FBXW10B: variants seen among roughly 807,000 people sequenced by gnomAD.
FBXW10B encodes F-box and WD repeat domain containing protein 10B.
chr17:15,605,783 G>A, the FBXW10B span, among the ~76,000 whole-genome samples: 3 of 151,724 alleles, frequency 2.0e-5, no homozygotes, highest in Admixed American at 2.0e-4. Context: ...AACACAGTTG[G>A]GAAGTCCTGT....
chr17:15,610,525 T>C, the FBXW10B span, among the ~76,000 whole-genome samples: 1 of 152,200 alleles, frequency 6.6e-6, no homozygotes, highest in Non-Finnish European at 1.5e-5. Flanking sequence ...GGGCCCACTG[T>C]ATGAGGGTGA....
the FBXW10B span, among the ~76,000 whole-genome samples, chr17:15,601,905 G>A: frequency 6.6e-6 from 1 of 152,150 alleles, no homozygotes; most frequent in African/African-American, 2.4e-5. Flanking sequence ...GAGGTCAGGA[G>A]ATCGAGACCA....
chr17:15,578,674 A>G, the FBXW10B span, among the ~76,000 whole-genome samples: 1 of 152,218 alleles, frequency 6.6e-6, no homozygotes, highest in South Asian at 2.1e-4. Context: ...AGAAAAACAG[A>G]CTAAGAGATT....
the FBXW10B span, among the ~76,000 whole-genome samples, chr17:15,589,884 C>T: frequency 3.3e-5 from 5 of 152,102 alleles, no homozygotes; most frequent in Admixed American, 6.5e-5. Context: ...CTTACAAATG[C>T]GATTACACCT....
the FBXW10B span, among the ~76,000 whole-genome samples, chr17:15,592,295 G>GTTTTTTTTTTTT: frequency 2.8e-5 from 3 of 107,696 alleles, no homozygotes; most frequent in Non-Finnish European, 5.6e-5. Context: ...AATGGCCAGA[G>GTTTTTTTTTTTT]TTTTTTTTTT....
the FBXW10B span, among the ~76,000 whole-genome samples, chr17:15,590,815 T>C: frequency 6.6e-6 from 1 of 152,174 alleles, no homozygotes; most frequent in African/African-American, 2.4e-5. Flanking sequence ...CTTCAGCACT[T>C]GGGTCCCTGC....
the FBXW10B span, among the ~76,000 whole-genome samples, chr17:15,610,378 C>T: frequency 6.6e-6 from 1 of 151,318 alleles, no homozygotes; most frequent in Non-Finnish European, 1.5e-5. Flanking sequence ...TTGTGCTTAT[C>T]TGGGAGGGAG....
the FBXW10B span, among the ~76,000 whole-genome samples, chr17:15,604,124 C>G: frequency 0.19 from 28,062 of 144,600 alleles, 2,978 homozygotes; most frequent in East Asian, 0.35. Flanking sequence ...TGTCCACCAA[C>G]AGAAAAACAA....
the FBXW10B span, among the ~76,000 whole-genome samples, chr17:15,591,649 G>A: frequency 5.3e-5 from 8 of 152,132 alleles, no homozygotes; most frequent in Non-Finnish European, 1.0e-4. Flanking sequence ...TACCTAGGGT[G>A]CCAAGAAGGT....
the FBXW10B span, among the ~76,000 whole-genome samples, chr17:15,602,364 G>A: frequency 6.6e-6 from 1 of 151,982 alleles, no homozygotes; most frequent in Admixed American, 6.6e-5. Flanking sequence ...AGTTGCTGTG[G>A]GGGAGAAACT....
chr17:15,569,041 A>G, the FBXW10B span: 2 of 1,150,504 alleles, frequency 1.7e-6, no homozygotes, highest in Non-Finnish European at 1.1e-6. Context: ...CTGTTTCACC[A>G]AACATATTTA....
At chr17:15,613,109 GAA>G in the FBXW10B span, among the ~76,000 whole-genome samples, 12 of 55,838 alleles carry the variant, frequency 2.1e-4, no homozygotes, top group African/African-American at 2.2e-3. Flanking sequence ...CTCTGCTGGG[GAA>G]AAAAAAAAAA....
chr17:15,571,204 G>T, the FBXW10B span, among the ~76,000 whole-genome samples: 2 of 152,030 alleles, frequency 1.3e-5, no homozygotes, highest in African/African-American at 4.8e-5. Flanking sequence ...AAAAAATTAG[G>T]TATGGCAGCA....
chr17:15,566,736 A>AT, the FBXW10B span, among the ~76,000 whole-genome samples: 28 of 149,188 alleles, frequency 1.9e-4, no homozygotes, highest in South Asian at 4.3e-4. Context: ...AATTTTTTGT[A>AT]TTTTTTTTTA....
chr17:15,611,847 G>A, the FBXW10B span, among the ~76,000 whole-genome samples: 19 of 152,168 alleles, frequency 1.2e-4, no homozygotes, highest in Admixed American at 3.9e-4. Flanking sequence ...AGAGTCTTCC[G>A]GTCACTCTTC....
At chr17:15,600,072 C>T in the FBXW10B span, among the ~76,000 whole-genome samples, 2 of 151,584 alleles carry the variant, frequency 1.3e-5, no homozygotes, top group South Asian at 2.1e-4. Flanking sequence ...AAACATTAGC[C>T]GGGCGTGGTG....
At chr17:15,616,449 C>T in the FBXW10B span, among the ~76,000 whole-genome samples, 3 of 151,920 alleles carry the variant, frequency 2.0e-5, no homozygotes, top group South Asian at 6.2e-4. Flanking sequence ...GGATTACAAG[C>T]GTGAGCCACT....
chr17:15,572,791 G>A, the FBXW10B span: 1 of 150,828 alleles, frequency 6.6e-6, no homozygotes, highest in Non-Finnish European at 1.5e-5. Context: ...CCAGTGTGGT[G>A]AGAACATAAT....
the FBXW10B span, among the ~76,000 whole-genome samples, chr17:15,601,659 A>G: frequency 1.2e-3 from 181 of 152,312 alleles, 1 homozygote; most frequent in Non-Finnish European, 2.2e-3. Context: ...AGAAAACTTT[A>G]AGGCTCTAAG....
Sources: gnomAD v4.1 joint callset for allele counts (sites outside exome capture counted in the v4.1 genomes callset) on GRCh38, gnomAD v4.1.1 for gene constraint, MANE v1.5 for transcripts, NCBI Gene and HGNC (gene_info 2026-07-23, HGNC 2026-07-21) for gene names.